URI1: variants seen among roughly 807,000 people sequenced by gnomAD.
URI1 encodes unconventional prefoldin RPB5 interactor 1.
URI1 carries 39 observed loss-of-function variants against 60.2 expected under a neutral mutation model. That is an observed-to-expected ratio of 0.65 (90% CI 0.50 to 0.85). URI1 has a LOEUF of 0.85. URI1 is among the 40% of genes least tolerant of loss of function. The pLI is 0.00. For missense variants in URI1, 691 were observed against 665.9 expected (o/e 1.04, Z -0.42); for synonymous variants, 251 against 236.8 (o/e 1.06, Z -0.55).
chr19:29,965,158 T>G (rs949677175), intron 1 of URI1, among the ~76,000 whole-genome samples: 3 of 152,200 alleles, frequency 2.0e-5, no homozygotes, highest in African/African-American at 7.2e-5. Flanking sequence ...ATAGTGGTCT[T>G]TCTTTTAGGA....
chr19:29,984,562 T>C lies in URI1; in HGVS notation c.153-661T>C, dbSNP rs150744902. Reference sequence around the variant, plus strand: ...GTCTTGTATCTTAAAAAACAGTAATTCTCAAAATTTGAGTATTCTGCTTCT... The same window carrying C: ...GTCTTGTATCTTAAAAAACAGTAATCCTCAAAATTTGAGTATTCTGCTTCT... On this transcript the variant is annotated intron_variant, in intron 2 of 10. Coordinates refer to ENST00000392271, the MANE Select transcript of URI1 (RefSeq NM_003796.3). Among the ~76,000 whole-genome samples, 494 of 152,270 alleles carry C rather than the reference T, an allele frequency of 3.2e-3. 4 individuals are homozygous for C. The highest frequency in any genetic ancestry group is 0.012 in the African/African-American group (482 of 41,542).
In URI1 at chr19:30,015,553, C is replaced by G. The variant is rs1242828890; in HGVS notation, c.*484C>G. 44 of 1,534,990 alleles carry G rather than the reference C, an allele frequency of 2.9e-5. No individual in the cohort carries two copies. The highest frequency in any genetic ancestry group is 3.8e-5 in the Non-Finnish European group (44 of 1,146,354). ...TCTTGTAGGTTTTGCGGCTAGTTGG[C>G]TATTCAAGAAACCTCGCCCCTCTGA... On this transcript the variant is annotated 3_prime_UTR_variant, in exon 11 of 11. Coordinates refer to ENST00000392271, the MANE Select transcript of URI1 (RefSeq NM_003796.3).
At chr19:29,934,992 T>G (rs941331409) in intron 1 of URI1, among the ~76,000 whole-genome samples, 2 of 152,230 alleles carry the variant, frequency 1.3e-5, no homozygotes, top group African/African-American at 4.8e-5. Flanking sequence ...TTAGACAGTT[T>G]AGTCCATTTA....
rs369057367 is a variant in URI1, at chr19:30,005,312, G to A, written c.368-49G>A. 2.3e-5 allele frequency: 25 copies of A among 1,064,850 alleles called. No individual in the cohort carries two copies. The African/African-American group carries it at 3.7e-4, about 16-fold the overall frequency. The allele number at this position is 1,064,850 out of a possible 1,614,324, so 66.0% of individuals were successfully genotyped here. ...GGACTACAGTTAAAATATTCCTACAGGTCGTATATATGCCATGCTTTACAT... is the reference window on the plus strand; with the variant it reads ...GGACTACAGTTAAAATATTCCTACAAGTCGTATATATGCCATGCTTTACAT... On this transcript the variant is annotated intron_variant, in intron 4 of 10. Coordinates refer to ENST00000392271, the MANE Select transcript of URI1 (RefSeq NM_003796.3).
rs573560821 is a variant in URI1, at chr19:29,986,263, C to CT, written c.232-10dup. ...GTGTTTTATGTTTTTTCCCTTTTTTCTTTTTTTTTAAACAATAGGTACCAT... is the reference window on the plus strand; with the variant it reads ...GTGTTTTATGTTTTTTCCCTTTTTTCTTTTTTTTTTAAACAATAGGTACCAT... On this transcript the variant is annotated intron_variant, in intron 3 of 10. Transcript: ENST00000392271. The CT allele has an allele frequency of 2.0e-4, 306 of 1,507,908 alleles. No homozygotes were observed. Among genetic ancestry groups the CT allele is most frequent in the South Asian group, 1.7e-3 (126 of 76,036 alleles). The allele number at this position is 1,507,908 out of a possible 1,614,324, so 93.4% of individuals were successfully genotyped here.
intron 1 of URI1, among the ~76,000 whole-genome samples, chr19:29,931,528 C>T (rs1056124763): frequency 3.3e-5 from 5 of 152,154 alleles, no homozygotes; most frequent in Admixed American, 3.3e-4. Flanking sequence ...CATAAAGGCC[C>T]TATCTTCAGA....
chr19:29,983,892 A>C (rs952957514), intron 2 of URI1, among the ~76,000 whole-genome samples: 6 of 152,200 alleles, frequency 3.9e-5, no homozygotes, highest in African/African-American at 7.2e-5. Context: ...GCTCTGTTTG[A>C]TGTAACAAGA....
Position 30,012,515 on chromosome 19 carries a change from T to C in URI1, c.1409T>C (p.Leu470Ser), listed in dbSNP as rs750610418. Reference protein sequence around the residue: ...PQENQKKLLPLSVTPEAFSGT... With the variant: ...PQENQKKLLPSSVTPEAFSGT... ...GAAAATCAAAAGAAACTTTTGCCCT[T>C]ATCAGTAACACCTGAGGTGTGTGTG... Residue 470 changes from leucine to serine, a missense_variant, in exon 10 of 11, where the codon TTA (leucine) becomes TCA (serine). Leu to Ser is a moderately radical substitution (Grantham distance 145). Transcript: ENST00000392271. 2 of 1,614,152 alleles carry C rather than the reference T, an allele frequency of 1.2e-6. No homozygotes were observed. Among genetic ancestry groups the C allele is most frequent in the South Asian group, 1.1e-5 (1 of 91,078 alleles).
At chr19:29,994,211 A>G (rs753172274) in intron 4 of URI1, among the ~76,000 whole-genome samples, 13 of 152,122 alleles carry the variant, frequency 8.5e-5, no homozygotes, top group African/African-American at 1.2e-4. Flanking sequence ...TGCCAACCCA[A>G]TGTGTTTGCA....
At chr19:29,997,430 T>G (rs1343939031) in intron 4 of URI1, among the ~76,000 whole-genome samples, 4 of 152,172 alleles carry the variant, frequency 2.6e-5, no homozygotes, top group Admixed American at 2.6e-4. Context: ...TTGAATCTTC[T>G]CTTTTTTTCT....
chr19:29,949,977 C>T (rs185253771), intron 1 of URI1, among the ~76,000 whole-genome samples: 20 of 152,252 alleles, frequency 1.3e-4, no homozygotes, highest in Admixed American at 4.6e-4. Context: ...TTAAGAAAGG[C>T]ACAGTTGTAA....
At chr19:29,923,690 T>C (rs1599640049) in exon 1 of URI1, 2 of 1,536,592 alleles carry the variant, frequency 1.3e-6, no homozygotes, top group South Asian at 2.4e-5. Context: ...GTCACTGCCC[T>C]GATGACAACA....
At position 29,932,869 on chromosome 19, in the gene URI1, T is replaced by C. The variant is rs376737350; in HGVS notation, c.63+9115T>C. Among the ~76,000 whole-genome samples, 4 of 150,888 alleles carry C rather than the reference T, an allele frequency of 2.7e-5. No individual in the cohort carries two copies. In the South Asian group the frequency reaches 8.6e-4, roughly 33 times the overall value. ...AATTTCACCATGTTGGCCAGGCTGGTCTCGAACTCCTGACCTCAGGTGATC... is the reference window on the plus strand; with the variant it reads ...AATTTCACCATGTTGGCCAGGCTGGCCTCGAACTCCTGACCTCAGGTGATC... On this transcript the variant is annotated intron_variant, in intron 1 of 10. Transcript: ENST00000360605.
At chr19:30,004,258 C>T (rs1484877534) in intron 4 of URI1, 6 of 151,948 alleles carry the variant, frequency 3.9e-5, no homozygotes, top group Non-Finnish European at 8.8e-5. Flanking sequence ...CCATTCATGG[C>T]TAGAGCATAA....
At chr19:29,944,771 A>G (rs2055082775) in intron 1 of URI1, among the ~76,000 whole-genome samples, 1 of 152,216 alleles carries the variant, frequency 6.6e-6, no homozygotes, top group Non-Finnish European at 1.5e-5. Flanking sequence ...TCAGTATTTA[A>G]TCTATCTTTA....
chr19:29,949,166 G>A (rs992890547), intron 1 of URI1, among the ~76,000 whole-genome samples: 1 of 150,288 alleles, frequency 6.7e-6, no homozygotes, highest in African/African-American at 2.5e-5. Context: ...GCGGCTGTGG[G>A]GCAGAGGGGG....
chr19:30,008,976 T>G, intron 7 of URI1, 29 bp from the exon 8 acceptor site: 1 of 1,515,152 alleles, frequency 6.6e-7, no homozygotes, highest in East Asian at 2.3e-5. Flanking sequence ...GTATGTTTGT[T>G]TGATCTTGTT....
chr19:30,001,166 A>G (rs561063718), intron 4 of URI1, among the ~76,000 whole-genome samples: 173 of 151,612 alleles, frequency 1.1e-3, no homozygotes, highest in African/African-American at 3.9e-3. Context: ...TCTAGCATTA[A>G]TGTTCAAGAA....
chr19:29,927,322 G>T (rs1285472587), intron 1 of URI1, among the ~76,000 whole-genome samples: 1 of 149,662 alleles, frequency 6.7e-6, no homozygotes, highest in Non-Finnish European at 1.5e-5. Flanking sequence ...GGAGTGCAGT[G>T]GTGCAATCTC....
Sources: gnomAD v4.1 joint callset for allele counts (sites outside exome capture counted in the v4.1 genomes callset) on GRCh38, gnomAD v4.1.1 for gene constraint, MANE v1.5 for transcripts, NCBI Gene and HGNC (gene_info 2026-07-23, HGNC 2026-07-21) for gene names.